ZDHHC20: variants seen among roughly 807,000 people sequenced by gnomAD.
ZDHHC20 encodes the protein zDHHC palmitoyltransferase 20.
A neutral mutation model predicts 57.8 loss-of-function variants in ZDHHC20; 43 were observed. That is an observed-to-expected ratio of 0.74 (90% CI 0.58 to 0.96). ZDHHC20 has a LOEUF of 0.96. Ranked by LOEUF, ZDHHC20 falls within the 40% of genes least tolerant of loss-of-function variation. The pLI is 0.00. For missense variants in ZDHHC20, 391 were observed against 441.1 expected (o/e 0.89, Z 1.02); for synonymous variants, 157 against 153.0 (o/e 1.03, Z -0.19).
rs577596481 is a variant in ZDHHC20, at chr13:21,373,280, A to G, written c.*3416T>C. 10 of 152,322 alleles carry G rather than the reference A, an allele frequency of 6.6e-5. No homozygotes were observed. Among genetic ancestry groups the G allele is most frequent in the African/African-American group, 2.2e-4 (9 of 41,580 alleles). The allele number at this position is 152,322 out of a possible 1,614,324, so 9.4% of individuals were successfully genotyped here. Reference sequence around the variant, plus strand: ...TCCTAAATCTAAGCCCTTAATATACATCTACTTTAAAGATAACTGAAAGAT... The same window carrying G: ...TCCTAAATCTAAGCCCTTAATATACGTCTACTTTAAAGATAACTGAAAGAT... On this transcript the variant is annotated 3_prime_UTR_variant, in exon 13 of 13. Coordinates refer to ENST00000400590, the MANE Select transcript of ZDHHC20 (RefSeq NM_001330059.2).
chr13:21,397,563 G>C (rs996413085), intron 7 of ZDHHC20, among the ~76,000 whole-genome samples: 2 of 151,990 alleles, frequency 1.3e-5, no homozygotes, highest in Non-Finnish European at 2.9e-5. Context: ...TTGGGGGCTT[G>C]AGGCAGGGGA....
intron 1 of ZDHHC20, among the ~76,000 whole-genome samples, chr13:21,446,493 T>C (rs931987385): frequency 6.6e-6 from 1 of 152,256 alleles, no homozygotes; most frequent in South Asian, 2.1e-4. Flanking sequence ...TAATTCTTCC[T>C]ATGATTCCAA....
intron 4 of ZDHHC20, among the ~76,000 whole-genome samples, chr13:21,411,577 A>G (rs772758780): frequency 5.2e-4 from 79 of 152,056 alleles, no homozygotes; most frequent in Non-Finnish European, 1.1e-3. Context: ...ACCCTTCTCC[A>G]CTCAACATTC....
intron 10 of ZDHHC20, among the ~76,000 whole-genome samples, chr13:21,382,423 G>C (rs907179796): frequency 2.6e-4 from 40 of 152,168 alleles, no homozygotes; most frequent in Non-Finnish European, 1.5e-5. Flanking sequence ...CTGAATGTAT[G>C]AAAGTTTACT....
chr13:21,397,169 C>T (rs1315142356), intron 7 of ZDHHC20, among the ~76,000 whole-genome samples: 3 of 151,674 alleles, frequency 2.0e-5, no homozygotes, highest in African/African-American at 4.8e-5. Flanking sequence ...CCGAGGCGGG[C>T]GGATCACCTG....
chr13:21,400,562 G>C (rs1877480617), intron 6 of ZDHHC20, 69 bp from the exon 7 acceptor site: 3 of 1,473,456 alleles, frequency 2.0e-6, no homozygotes, highest in Non-Finnish European at 2.7e-6. Flanking sequence ...TAGAAAGTAG[G>C]ATGGAGGCTG....
At chr13:21,447,971 G>C (rs1457905400) in intron 1 of ZDHHC20, among the ~76,000 whole-genome samples, 1 of 108,186 alleles carries the variant, frequency 9.2e-6, no homozygotes, top group Non-Finnish European at 2.1e-5. Flanking sequence ...CTGCCCGGCC[G>C]AGACCCCGTC....
At chr13:21,389,219 C>T (rs933926491) in intron 8 of ZDHHC20, among the ~76,000 whole-genome samples, 1 of 152,066 alleles carries the variant, frequency 6.6e-6, no homozygotes, top group Non-Finnish European at 1.5e-5. Flanking sequence ...AGAGGTGATA[C>T]AGCAGAATAA....
Position 21,421,045 on chromosome 13 carries a change from C to A in ZDHHC20, c.249+16G>T, listed in dbSNP as rs751217712. On this transcript the variant is annotated intron_variant, in intron 3 of 12. Transcript: ENST00000400590. ...ATCAGTTAAAACATTTGGTAATTTA[C>A]CAACATTAAATTTACCTCTTTGGAG... 5.0e-6 allele frequency: 8 copies of A among 1,589,756 alleles called. 1 individual carries two copies. The South Asian group carries it at 8.9e-5, about 18-fold the overall frequency.
At chr13:21,392,816 T>C (rs1230161896) in intron 7 of ZDHHC20, among the ~76,000 whole-genome samples, 1 of 152,210 alleles carries the variant, frequency 6.6e-6, no homozygotes, top group African/African-American at 2.4e-5. Flanking sequence ...TTCTCTTTTC[T>C]TCCAGAGTAA....
At chr13:21,424,098 C>A (rs959104440) in intron 2 of ZDHHC20, among the ~76,000 whole-genome samples, 1 of 152,014 alleles carries the variant, frequency 6.6e-6, no homozygotes, top group Non-Finnish European at 1.5e-5. Flanking sequence ...GCTCTTAACA[C>A]GAGACCTAGA....
intron 1 of ZDHHC20, among the ~76,000 whole-genome samples, chr13:21,455,468 T>C (rs567407150): frequency 6.6e-6 from 1 of 152,066 alleles, no homozygotes; most frequent in Non-Finnish European, 1.5e-5. Flanking sequence ...ATATCAACCC[T>C]GGGGAAAAAA....
chr13:21,387,813 T>C (rs769981610), intron 8 of ZDHHC20, among the ~76,000 whole-genome samples, 179 bp from the exon 9 acceptor site: 4 of 152,080 alleles, frequency 2.6e-5, no homozygotes, highest in Non-Finnish European at 5.9e-5. Context: ...TGGGAAAAAA[T>C]AGCACATTTA....
At chr13:21,440,642 G>GTGTATATATA (rs1883045918) in intron 1 of ZDHHC20, among the ~76,000 whole-genome samples, 2 of 109,258 alleles carry the variant, frequency 1.8e-5, no homozygotes, top group Non-Finnish European at 4.9e-5. Context: ...GTGTGTGTGT[G>GTGTATATATA]TGTGTGTATA....
chr13:21,422,959 C>T (rs1309002594), intron 2 of ZDHHC20, among the ~76,000 whole-genome samples: 3 of 152,210 alleles, frequency 2.0e-5, no homozygotes, highest in Middle Eastern at 3.4e-3. Flanking sequence ...ATAATCTATG[C>T]CTTATTTCTA....
At chr13:21,448,292 G>T (rs1884018394) in intron 1 of ZDHHC20, among the ~76,000 whole-genome samples, 1 of 93,758 alleles carries the variant, frequency 1.1e-5, no homozygotes, top group Admixed American at 9.7e-5. Context: ...CCTCTGCCCG[G>T]CCAGCCGCCC....
At chr13:21,398,614 A>G (rs1335256010) in intron 7 of ZDHHC20, among the ~76,000 whole-genome samples, 1 of 152,258 alleles carries the variant, frequency 6.6e-6, no homozygotes, top group East Asian at 1.9e-4. Flanking sequence ...CCCTGATTCT[A>G]TACCTCAGTT....
chr13:21,456,914 T>C (rs9509735), intron 1 of ZDHHC20, among the ~76,000 whole-genome samples: 127,672 of 152,152 alleles, frequency 0.84, 54,116 homozygotes, highest in East Asian at 1. Context: ...CCTCATAGCT[T>C]ACTGAAGTTA....
At chr13:21,382,872 G>A (rs1015174093) in intron 10 of ZDHHC20, 48 bp downstream of exon 10, 14 of 1,420,686 alleles carry the variant, frequency 9.9e-6, no homozygotes, top group East Asian at 5.0e-5. Context: ...ACATGTATAC[G>A]GTTTGCTTTA....
Sources: allele counts gnomAD v4.1 joint callset (sites outside exome capture counted in the v4.1 genomes callset), GRCh38; gene constraint gnomAD v4.1.1; transcripts MANE v1.5; gene names NCBI Gene and HGNC (gene_info 2026-07-23, HGNC 2026-07-21).